Variants in ATRNL1 observed in about 807,000 individuals in gnomAD.
ATRNL1 encodes attractin-like protein 1.
In ATRNL1, 95 loss-of-function variants were observed where a neutral mutation model predicts 182.7. The observed-to-expected ratio is 0.52, with a 90% CI of 0.44 to 0.62. The LOEUF is 0.62. Ranked by LOEUF, ATRNL1 falls within the 20% of genes least tolerant of loss-of-function variation. ATRNL1 has a pLI of 0.00. For missense variants in ATRNL1, 1,471 were observed against 1,679.5 expected (o/e 0.88, Z 2.17); for synonymous variants, 576 against 568.3 (o/e 1.01, Z -0.19).
chr10:115,796,344 C>G (rs1424220694), intron 27 of ATRNL1, among the ~76,000 whole-genome samples: 1 of 152,078 alleles, frequency 6.6e-6, no homozygotes, highest in Non-Finnish European at 1.5e-5. Context: ...TTCCCCTTCC[C>G]ACCTAATCTG....
At chr10:115,137,576 CAAGAT>C (rs1160162751) in intron 5 of ATRNL1, among the ~76,000 whole-genome samples, 17 of 152,298 alleles carry the variant, frequency 1.1e-4, no homozygotes, top group Middle Eastern at 3.4e-3. Context: ...TGGCAGCAGA[CAAGAT>C]AAGAGAGCTT....
chr10:115,139,802 A>G (rs1446993336), intron 5 of ATRNL1, among the ~76,000 whole-genome samples: 1 of 152,230 alleles, frequency 6.6e-6, no homozygotes, highest in Non-Finnish European at 1.5e-5. Context: ...TGGCCCATTC[A>G]TCTCTAGAAT....
intron 9 of ATRNL1, among the ~76,000 whole-genome samples, chr10:115,225,220 A>G (rs1849641255): frequency 1.3e-5 from 2 of 152,076 alleles, no homozygotes; most frequent in South Asian, 4.1e-4. Flanking sequence ...GTAATGGTCT[A>G]TAATCTTGAA....
At chr10:115,350,648 A>G (rs1378507559) in intron 19 of ATRNL1, among the ~76,000 whole-genome samples, 2 of 152,104 alleles carry the variant, frequency 1.3e-5, no homozygotes, top group Non-Finnish European at 2.9e-5. Flanking sequence ...TGCCAGTATC[A>G]TGCTGTTTTG....
chr10:115,187,762 A>G (rs1425942208), intron 8 of ATRNL1, among the ~76,000 whole-genome samples: 1 of 146,408 alleles, frequency 6.8e-6, no homozygotes, highest in Non-Finnish European at 1.5e-5. Flanking sequence ...GCTCACTGCA[A>G]CCTCCACTTC....
intron 28 of ATRNL1, among the ~76,000 whole-genome samples, chr10:115,882,640 G>A (rs1435421273): frequency 6.6e-6 from 1 of 152,118 alleles, no homozygotes; most frequent in Non-Finnish European, 1.5e-5. Flanking sequence ...ACTCTCCTTT[G>A]TGGTTTTATA....
intron 28 of ATRNL1, among the ~76,000 whole-genome samples, chr10:115,879,523 A>G (rs1171879573): frequency 6.6e-6 from 1 of 152,156 alleles, no homozygotes; most frequent in African/African-American, 2.4e-5. Flanking sequence ...AGATGGGTGT[A>G]GACTCAGTGA....
intron 6 of ATRNL1, among the ~76,000 whole-genome samples, chr10:115,162,000 T>C (rs1483638443): frequency 6.6e-6 from 1 of 152,114 alleles, no homozygotes; most frequent in Non-Finnish European, 1.5e-5. Flanking sequence ...TTACAGAATA[T>C]ATATACATTA....
At chr10:115,531,983 T>C (rs1253287072) in intron 25 of ATRNL1, among the ~76,000 whole-genome samples, 2 of 150,036 alleles carry the variant, frequency 1.3e-5, no homozygotes, top group African/African-American at 2.4e-5. Context: ...GTTCCATTGA[T>C]CTATATCTCT....
Position 115,381,432 on chromosome 10 carries a change from A to ATTTTTTTTTTTTTTTTTTTTTTTT in ATRNL1, c.3176-13210_3176-13209insTTTTTTTTTTTTTTTTTTTTTTTT, listed in dbSNP as rs375127246. On this transcript the variant is annotated intron_variant, in intron 19 of 28. Transcript: ENST00000355044. ...CAGGCACATGCCACCATACCTGGCAATTTTTTTTTTTTTTTTTAGTAGACA... is the reference window on the plus strand; with the variant it reads ...CAGGCACATGCCACCATACCTGGCAATTTTTTTTTTTTTTTTTTTTTTTTTTTTTTTTTTTTTTTTTAGTAGACA... Among the ~76,000 whole-genome samples, 104 of 68,520 alleles carry ATTTTTTTTTTTTTTTTTTTTTTTT rather than the reference A, an allele frequency of 1.5e-3. 24 individuals carry two copies. The highest frequency in any genetic ancestry group is 4.8e-3 in the African/African-American group (80 of 16,692). The allele number at this position is 68,520 out of a possible 152,430, so 45.0% of individuals were successfully genotyped here.
At chr10:115,552,645 T>C (rs1853062668) in intron 26 of ATRNL1, among the ~76,000 whole-genome samples, 1 of 151,414 alleles carries the variant, frequency 6.6e-6, no homozygotes, top group Admixed American at 6.6e-5. Flanking sequence ...ATACTTTTTG[T>C]GGCATAATTT....
chr10:115,840,736 G>T lies in ATRNL1; in HGVS notation c.3904-7141G>T, dbSNP rs148501082. On this transcript the variant is annotated intron_variant, in intron 27 of 28. Coordinates refer to ENST00000355044, the MANE Select transcript of ATRNL1 (RefSeq NM_207303.4). ...AAAGAGAGTAGAGCAAAGAGGTCCT[G>T]GAGTGGCCTAGCATGACCTGGCATG... Among the ~76,000 whole-genome samples, 881 of 152,190 alleles carry T rather than the reference G, an allele frequency of 5.8e-3. 6 individuals are homozygous for T. Among genetic ancestry groups the T allele is most frequent in the African/African-American group, 0.02 (836 of 41,542 alleles).
chr10:115,215,228 G>C (rs1554895897), intron 8 of ATRNL1, among the ~76,000 whole-genome samples: 1 of 152,042 alleles, frequency 6.6e-6, no homozygotes, highest in Non-Finnish European at 1.5e-5. Context: ...TTTATAAAAA[G>C]GAAAGTGGGG....
chr10:115,355,839 A>G (rs911546389), intron 19 of ATRNL1, among the ~76,000 whole-genome samples: 4 of 151,756 alleles, frequency 2.6e-5, no homozygotes, highest in African/African-American at 7.3e-5. Context: ...TGATCTTTTT[A>G]TAGGTTTTTG....
intron 21 of ATRNL1, among the ~76,000 whole-genome samples, chr10:115,429,536 A>G (rs1554963538): frequency 6.6e-6 from 1 of 152,158 alleles, no homozygotes; most frequent in Admixed American, 6.5e-5. Context: ...ACAAGGTTAT[A>G]TCATGAATAA....
At chr10:115,374,635 T>C (rs1857576557) in intron 19 of ATRNL1, among the ~76,000 whole-genome samples, 1 of 151,910 alleles carries the variant, frequency 6.6e-6, no homozygotes, top group African/African-American at 2.4e-5. Flanking sequence ...TAAATTTTCC[T>C]ATTAGTATTG....
intron 1 of ATRNL1, among the ~76,000 whole-genome samples, chr10:115,107,083 CA>C (rs1185535633): frequency 7.2e-5 from 11 of 152,190 alleles, no homozygotes; most frequent in African/African-American, 2.4e-4. Context: ...TTAATGCCCT[CA>C]TGGTTTAATC....
intron 28 of ATRNL1, among the ~76,000 whole-genome samples, chr10:115,926,943 G>T (rs918304398): frequency 3.3e-5 from 5 of 152,020 alleles, no homozygotes; most frequent in African/African-American, 1.2e-4. Flanking sequence ...TGATACCAAA[G>T]TCAGACAGAG....
At chr10:115,249,331 A>G (rs1040688730) in intron 10 of ATRNL1, among the ~76,000 whole-genome samples, 12 of 151,982 alleles carry the variant, frequency 7.9e-5, no homozygotes, top group Non-Finnish European at 1.2e-4. Flanking sequence ...TAATACAGAT[A>G]TATATATACA....
Sources: allele counts gnomAD v4.1 joint callset (sites outside exome capture counted in the v4.1 genomes callset), GRCh38; gene constraint gnomAD v4.1.1; transcripts MANE v1.5; gene names NCBI Gene and HGNC (gene_info 2026-07-23, HGNC 2026-07-21).